Variants in CYFIP1 observed in about 807,000 individuals in gnomAD.
The protein encoded by CYFIP1 is cytoplasmic FMR1-interacting protein 1.
Under a neutral mutation model 163.5 loss-of-function variants are expected in CYFIP1, and 58 were observed. The ratio of observed to expected loss-of-function variants is 0.35; its 90% confidence interval spans 0.29 to 0.44. The LOEUF is 0.44. Among genes scored for constraint, CYFIP1 ranks in the 20% least tolerant of loss-of-function variants. CYFIP1 has a pLI of 1.00. For missense variants in CYFIP1, 1,338 were observed against 1,653.8 expected, an observed-to-expected ratio of 0.81 and a Z score of 3.31; for synonymous variants, 663 against 660.7, an observed-to-expected ratio of 1.00 and a Z score of -0.05.
At chr15:22,971,042 C>T (rs1185039423) in intron 1 of CYFIP1, among the ~76,000 whole-genome samples, 2 of 152,098 alleles carry the variant, frequency 1.3e-5, no homozygotes, top group African/African-American at 4.8e-5. Context: ...CGCCACCGCA[C>T]TCCAGCCTGG....
chr15:22,935,423 T>C (rs6606806), intron 9 of CYFIP1, among the ~76,000 whole-genome samples: 2 of 152,180 alleles, frequency 1.3e-5, no homozygotes, highest in Non-Finnish European at 2.9e-5. Context: ...CAGAAGTCAG[T>C]TCCAGGGGGA....
intron 12 of CYFIP1, among the ~76,000 whole-genome samples, chr15:22,927,653 C>CA (rs1448312702): frequency 2.0e-5 from 3 of 151,710 alleles, no homozygotes; most frequent in Admixed American, 6.6e-5. Flanking sequence ...GAGACTATCT[C>CA]AAAAAAAGAA....
intron 21 of CYFIP1, among the ~76,000 whole-genome samples, chr15:22,907,698 T>G (rs565441885): frequency 6.6e-6 from 1 of 152,370 alleles, no homozygotes; most frequent in East Asian, 1.9e-4. Context: ...CTACTAGCTC[T>G]GATTAAATCC....
In CYFIP1 at chr15:22,918,755, G is replaced by A; in HGVS notation, c.1463C>T (p.Ser488Phe). The change falls in exon 14 of 31, where the codon TCC (serine) becomes TTC (phenylalanine). Residue 488 changes from serine (S) to phenylalanine (F), a missense_variant. Coordinates refer to ENST00000617928, the MANE Select transcript of CYFIP1 (RefSeq NM_014608.6). ...CAGCGGCTCCCTAAGGGTCACCTGG[G>A]AGAAGTCCTGCAGTGCGGCATAGAC... is the stretch of plus-strand genomic sequence containing the variant. ...HTVYAALQDFSQVTLREPLRQ... is the reference protein window; with the variant it reads ...HTVYAALQDFFQVTLREPLRQ... The A allele has an allele frequency of 1.2e-6, 2 of 1,613,612 alleles. No individual in the cohort carries two copies. Among genetic ancestry groups the A allele is most frequent in the South Asian group, 1.1e-5 (1 of 91,044 alleles).
At chr15:22,897,205 C>G (rs2060264307) in intron 22 of CYFIP1, among the ~76,000 whole-genome samples, 1 of 152,002 alleles carries the variant, frequency 6.6e-6, no homozygotes. Context: ...AAGAGCAAAA[C>G]TCTGTCCCCG....
chr15:22,960,999 CATTTATTTATTT>C (rs139765970), intron 1 of CYFIP1, among the ~76,000 whole-genome samples: 2 of 151,184 alleles, frequency 1.3e-5, no homozygotes, highest in African/African-American at 2.4e-5. Flanking sequence ...ATTTGTATTT[CATTTATTTATTT>C]ATTTATTTAT....
At chr15:22,879,401 G>A (rs1447421474) in intron 26 of CYFIP1, among the ~76,000 whole-genome samples, 1 of 152,164 alleles carries the variant, frequency 6.6e-6, no homozygotes, top group African/African-American at 2.4e-5. Context: ...GGCGTCCACT[G>A]TGCCACGTCC....
intron 1 of CYFIP1, among the ~76,000 whole-genome samples, chr15:22,975,159 A>G (rs117643622): frequency 6.6e-6 from 1 of 152,318 alleles, no homozygotes; most frequent in Non-Finnish European, 1.5e-5. Flanking sequence ...AATCTCTGTT[A>G]ATCAACTGTT....
At chr15:22,945,732 T>G (rs1002741259) in intron 3 of CYFIP1, among the ~76,000 whole-genome samples, 5 of 149,596 alleles carry the variant, frequency 3.3e-5, no homozygotes, top group African/African-American at 1.2e-4. Context: ...CGCACCACCA[T>G]GCCTGGTTAA....
At chr15:22,939,547 G>A (rs777727719) in intron 6 of CYFIP1, 40 bp from the exon 7 acceptor site, 5 of 725,770 alleles carry the variant, frequency 6.9e-6, no homozygotes, top group East Asian at 5.7e-5. Context: ...ATGCACCAAC[G>A]TGCCACATTT....
chr15:22,874,773 T>C, intron 27 of CYFIP1, 129 bp from the exon 28 acceptor site: 1 of 645,312 alleles, frequency 1.5e-6, no homozygotes, highest in South Asian at 2.8e-5. Flanking sequence ...TCTTTGAAAA[T>C]TATTTTACAG....
chr15:22,874,671 A>G (rs751200303), intron 27 of CYFIP1, 27 bp from the exon 28 acceptor site: 2 of 1,495,380 alleles, frequency 1.3e-6, no homozygotes, highest in South Asian at 2.5e-5. Flanking sequence ...ATTTTACTAT[A>G]TTCTGCTCCT....
chr15:22,945,128 C>T (rs1280541068), intron 3 of CYFIP1, among the ~76,000 whole-genome samples, 189 bp from the exon 4 acceptor site: 6 of 152,304 alleles, frequency 3.9e-5, no homozygotes, highest in Non-Finnish European at 8.8e-5. Flanking sequence ...CCACCCAAAA[C>T]ACCCCATGGC....
At chr15:22,941,004 C>T (rs928062468) in intron 6 of CYFIP1, among the ~76,000 whole-genome samples, 11 of 152,122 alleles carry the variant, frequency 7.2e-5, no homozygotes, top group African/African-American at 2.7e-4. Flanking sequence ...ATCGTGCCAC[C>T]GCACTCCAGC....
At chr15:22,889,995 T>C (rs2060029473) in intron 23 of CYFIP1, among the ~76,000 whole-genome samples, 1 of 152,134 alleles carries the variant, frequency 6.6e-6, no homozygotes, top group South Asian at 2.1e-4. Flanking sequence ...TATAACTAAT[T>C]ATTGCATAAA....
At chr15:22,909,650 T>C (rs2060714243) in intron 20 of CYFIP1, among the ~76,000 whole-genome samples, 1 of 152,186 alleles carries the variant, frequency 6.6e-6, no homozygotes, top group South Asian at 2.1e-4. Context: ...TAGAATTAAA[T>C]GCAATTTTTT....
At chr15:22,870,886 G>T (rs1040982910) in intron 30 of CYFIP1, among the ~76,000 whole-genome samples, 2 of 152,178 alleles carry the variant, frequency 1.3e-5, no homozygotes, top group Admixed American at 6.5e-5. Flanking sequence ...AGACCCTCCT[G>T]CTACCACAGG....
intron 1 of CYFIP1, among the ~76,000 whole-genome samples, chr15:22,957,496 C>CGT (rs2062511376): frequency 6.6e-6 from 1 of 152,130 alleles, no homozygotes. Context: ...ATTAGCCAGG[C>CGT]ATGGTGGCGG....
chr15:22,917,991 C>A lies in CYFIP1; in HGVS notation c.1527-56G>T. 1.3e-6 allele frequency: 2 copies of A among 1,571,092 alleles called. No homozygotes were observed. The highest frequency in any genetic ancestry group is 1.2e-5 in the South Asian group (1 of 86,012). On this transcript the variant is annotated intron_variant, in intron 14 of 30. Coordinates refer to ENST00000617928, the MANE Select transcript of CYFIP1 (RefSeq NM_014608.6). This position sits in a 1 kb window ranked among gnomAD's most constrained non-coding sequence, Gnocchi z 4.2. ...CCAGAGGCCGAGACCTCCAGCCTCA[C>A]AATCACACCATCTCCTCACCCAACT... is the stretch of plus-strand genomic sequence containing the variant.
Sources: gnomAD v4.1 joint callset for allele counts (sites outside exome capture counted in the v4.1 genomes callset) on GRCh38, gnomAD v4.1.1 for gene constraint, Gnocchi (gnomAD v3.1) non-coding constraint, MANE v1.5 for transcripts, NCBI Gene and HGNC (gene_info 2026-07-23, HGNC 2026-07-21) for gene names.